Variants in NEBL observed in about 807,000 individuals in gnomAD.
NEBL encodes nebulette, also known as LIM and SH3 protein 2.
NEBL carries 122 observed loss-of-function variants against 140.2 expected under a neutral mutation model. That is an observed-to-expected ratio of 0.87 (90% CI 0.75 to 1.01). NEBL has a LOEUF of 1.01. Ranked by LOEUF, NEBL falls within the 50% of genes least tolerant of loss-of-function variation. NEBL has a pLI of 0.00. For missense variants in NEBL, 1,365 were observed against 1,231.3 expected, an observed-to-expected ratio of 1.11 and a Z score of -1.62; for synonymous variants, 436 against 398.9, an observed-to-expected ratio of 1.09 and a Z score of -1.11.
At chr10:21,014,764 C>A (rs746002487) in intron 3 of NEBL, among the ~76,000 whole-genome samples, 9 of 152,146 alleles carry the variant, frequency 5.9e-5, no homozygotes, top group Non-Finnish European at 1.2e-4. Context: ...CTGGAGCTTC[C>A]AAAGGTTTAT....
chr10:21,031,023 T>A (rs1209355077), intron 2 of NEBL, among the ~76,000 whole-genome samples: 1 of 152,210 alleles, frequency 6.6e-6, no homozygotes, highest in Non-Finnish European at 1.5e-5. Flanking sequence ...GATGCCCACG[T>A]GTGCCATATG....
At chr10:21,137,509 G>A (rs147730469) in intron 2 of NEBL, among the ~76,000 whole-genome samples, 42 of 152,310 alleles carry the variant, frequency 2.8e-4, no homozygotes, top group East Asian at 5.8e-4. Flanking sequence ...CTCCTGCTCC[G>A]TGTCTAAGAA....
intron 2 of NEBL, among the ~76,000 whole-genome samples, chr10:21,032,786 A>G (rs1265345446): frequency 6.6e-6 from 1 of 152,186 alleles, no homozygotes; most frequent in Non-Finnish European, 1.5e-5. Context: ...CCTGTCTAAC[A>G]ATTTACCAAA....
chr10:20,911,285 A>G (rs991975206), intron 4 of NEBL, among the ~76,000 whole-genome samples: 1 of 152,238 alleles, frequency 6.6e-6, no homozygotes, highest in African/African-American at 2.4e-5. Context: ...CAGGATCCCC[A>G]AACTGAAGTT....
rs143619443 is a variant in NEBL, at chr10:20,975,745, G to A, written c.250-13966C>T. On this transcript the variant is annotated intron_variant, in intron 3 of 6. Coordinates refer to the NEBL transcript ENST00000417816. Reference sequence around the variant, plus strand: ...TCTCTTGGACATGTTAACCATTCACGAGGTAACTACTGCCCAACCTAGCAC... The same window carrying A: ...TCTCTTGGACATGTTAACCATTCACAAGGTAACTACTGCCCAACCTAGCAC... 4.3e-3 allele frequency among the ~76,000 whole-genome samples: 657 copies of A among 152,264 alleles called. 3 individuals are homozygous for A. The highest frequency in any genetic ancestry group is 5.7e-3 in the Non-Finnish European group (385 of 68,030).
In NEBL at chr10:20,785,771, C is replaced by T. The variant is rs757304354; in HGVS notation, c.3021G>A (p.Ala1007=). Residue 1007 remains alanine (A), a synonymous_variant, in exon 28 of 28, where the codon GCG becomes GCA. Coordinates refer to ENST00000377122, the MANE Select transcript of NEBL (RefSeq NM_006393.3). The part of the protein sequence containing the change: ...QRTGRTGMLP[A]NYIEFVN Reference sequence around the variant, plus strand: ...ATTAATTAACAAACTCAATGTAATTCGCTGGGAGCATTCCTGTTCTCCCTG... The same window carrying T: ...ATTAATTAACAAACTCAATGTAATTTGCTGGGAGCATTCCTGTTCTCCCTG... The T allele has an allele frequency of 2.5e-5, 41 of 1,613,720 alleles. No homozygotes were observed. In the Admixed American group the frequency reaches 5.5e-4, roughly 22 times the overall value.
At chr10:20,846,626 T>A (rs78782609) in intron 11 of NEBL, among the ~76,000 whole-genome samples, 1 of 152,196 alleles carries the variant, frequency 6.6e-6, no homozygotes, top group African/African-American at 2.4e-5. Context: ...CTCTTCCTTA[T>A]GTGGAATTAG....
chr10:20,786,919 C>A (rs969036583), intron 27 of NEBL, among the ~76,000 whole-genome samples: 1 of 152,254 alleles, frequency 6.6e-6, no homozygotes, highest in African/African-American at 2.4e-5. Context: ...AGAGCATAAT[C>A]GGCTAGTACC....
chr10:21,124,736 T>G (rs535666731), intron 2 of NEBL, among the ~76,000 whole-genome samples: 3 of 152,288 alleles, frequency 2.0e-5, no homozygotes, highest in Admixed American at 1.3e-4. Context: ...GAGGATTGCT[T>G]GAAGGCTAGG....
chr10:21,073,813 G>T (rs968714550), intron 2 of NEBL, among the ~76,000 whole-genome samples: 5 of 151,972 alleles, frequency 3.3e-5, no homozygotes, highest in Admixed American at 6.6e-5. Context: ...GGTGGCTCAC[G>T]CCTGTAATCC....
chr10:21,150,362 AAG>A (rs1265033959), intron 2 of NEBL, among the ~76,000 whole-genome samples: 1 of 152,208 alleles, frequency 6.6e-6, no homozygotes, highest in African/African-American at 2.4e-5. Flanking sequence ...CTTCCCAAAA[AAG>A]TCACTTTGGT....
intron 2 of NEBL, among the ~76,000 whole-genome samples, chr10:21,142,197 T>A (rs1839662617): frequency 6.6e-6 from 1 of 152,152 alleles, no homozygotes; most frequent in South Asian, 2.1e-4. Flanking sequence ...ACATCTGACT[T>A]AAAATATGCC....
At chr10:20,812,611 T>C (rs1838269634) in intron 24 of NEBL, among the ~76,000 whole-genome samples, 158 bp downstream of exon 24, 1 of 152,024 alleles carries the variant, frequency 6.6e-6, no homozygotes, top group African/African-American at 2.4e-5. Context: ...CCATTCCACA[T>C]CGTACAAAAA....
At chr10:20,939,589 A>C (rs1589044868) in intron 4 of NEBL, among the ~76,000 whole-genome samples, 1 of 152,202 alleles carries the variant, frequency 6.6e-6, no homozygotes, top group African/African-American at 2.4e-5. Context: ...TAACAATATT[A>C]ACCTTAAACG....
At chr10:20,787,361 T>C (rs1835511287) in intron 26 of NEBL, 53 bp from the exon 27 acceptor site, 10 of 1,392,406 alleles carry the variant, frequency 7.2e-6, no homozygotes, top group Non-Finnish European at 9.1e-6. Flanking sequence ...AGCCTCGAAA[T>C]ACCCATCCCA....
chr10:21,242,224 G>GAAAA (rs1193296401), intron 3 of NEBL, among the ~76,000 whole-genome samples: 9 of 151,832 alleles, frequency 5.9e-5, no homozygotes, highest in Admixed American at 5.3e-4. Context: ...AAAAAGAAAA[G>GAAAA]AAAAGAAAAG....
At chr10:21,054,969 G>T (rs1028247734) in intron 2 of NEBL, among the ~76,000 whole-genome samples, 7 of 152,160 alleles carry the variant, frequency 4.6e-5, no homozygotes, top group African/African-American at 1.7e-4. Flanking sequence ...TTTTTAAAGC[G>T]TTCTTACTTC....
chr10:20,960,635 ATATG>A (rs1405222556), intron 4 of NEBL, among the ~76,000 whole-genome samples: 3 of 152,036 alleles, frequency 2.0e-5, no homozygotes, highest in Non-Finnish European at 2.9e-5. Context: ...TGCAAATTTT[ATATG>A]TGTGTATATG....
chr10:20,849,266 G>A (rs1165854363), intron 11 of NEBL, among the ~76,000 whole-genome samples: 1 of 152,104 alleles, frequency 6.6e-6, no homozygotes, highest in Non-Finnish European at 1.5e-5. Flanking sequence ...AAAAAAGTGT[G>A]GGGAATATCG....
Sources: allele counts gnomAD v4.1 joint callset (sites outside exome capture counted in the v4.1 genomes callset), GRCh38; gene constraint gnomAD v4.1.1; transcripts MANE v1.5; gene names NCBI Gene and HGNC (gene_info 2026-07-23, HGNC 2026-07-21).